IQCJ: variants seen among roughly 807,000 people sequenced by gnomAD.
IQCJ encodes the protein IQ motif containing J.
In IQCJ, 9 loss-of-function variants were observed where a neutral mutation model predicts 11.0. The observed-to-expected ratio is 0.82, with a 90% CI of 0.49 to 1.43. The LOEUF is 1.43. Among genes scored for constraint, IQCJ ranks in the 40% most tolerant of loss-of-function variants. IQCJ has a pLI of 0.00. For synonymous variants in IQCJ, 55 were observed against 51.3 expected (o/e 1.07, Z -0.31); for missense variants, 146 against 133.2 (o/e 1.10, Z -0.47).
At chr3:159,259,654 C>T (rs749988880) in intron 3 of IQCJ, among the ~76,000 whole-genome samples, 24 of 152,146 alleles carry the variant, frequency 1.6e-4, no homozygotes, top group Non-Finnish European at 3.2e-4. Context: ...TTGTAGGAAT[C>T]GCCAAGGGGA....
chr3:159,219,885 G>A (rs1353212481), intron 1 of IQCJ, among the ~76,000 whole-genome samples: 3 of 152,156 alleles, frequency 2.0e-5, no homozygotes, highest in Non-Finnish European at 4.4e-5. Flanking sequence ...AAGGCCCTGG[G>A]TGAGTGAAGG....
intron 1 of IQCJ, among the ~76,000 whole-genome samples, chr3:159,212,087 T>C (rs1724986886): frequency 1.3e-5 from 2 of 151,650 alleles, no homozygotes; most frequent in Non-Finnish European, 2.9e-5. Flanking sequence ...AGAATATTGT[T>C]CCACAGAGTA....
rs1728336613 is a variant in IQCJ, at chr3:159,263,533, G to T, written c.*802G>T. The stretch of plus-strand genomic sequence containing the variant: ...GTGGATTTAAGCATTGTGATAATTT[G>T]TAACCAGTCACTGAAATGCTGAAAA... On this transcript the variant is annotated 3_prime_UTR_variant, in exon 4 of 4. Transcript: ENST00000397832. 1 of 984,988 alleles carries T rather than the reference G, an allele frequency of 1.0e-6. No individual in the cohort carries two copies. Among genetic ancestry groups the T allele is most frequent in the African/African-American group, 1.7e-5 (1 of 57,224 alleles). 61.0% of individuals were successfully genotyped at this position (984,988 alleles called of 1,614,324 possible). A position where few individuals can be genotyped will look rare whatever the true frequency, so the allele number is the denominator to read the frequency against.
At chr3:159,210,428 G>A (rs1229755057) in intron 1 of IQCJ, among the ~76,000 whole-genome samples, 1 of 152,126 alleles carries the variant, frequency 6.6e-6, no homozygotes, top group African/African-American at 2.4e-5. Flanking sequence ...AAGTTAATTT[G>A]AGTTATATAG....
intron 1 of IQCJ, among the ~76,000 whole-genome samples, chr3:159,169,241 C>G (rs2108234038): frequency 6.7e-6 from 1 of 148,756 alleles, no homozygotes; most frequent in Middle Eastern, 3.5e-3. Flanking sequence ...GACTACAAAG[C>G]CTATGTTCTT....
rs1412481771 is a variant in IQCJ, at chr3:159,263,194, C to A, written c.*463C>A. 2 of 506,226 alleles carry A rather than the reference C, an allele frequency of 4.0e-6. No homozygotes were observed. The highest frequency in any genetic ancestry group is 6.3e-5 in the Admixed American group (1 of 15,830). The allele number at this position is 506,226 out of a possible 1,614,324, so 31.4% of individuals were successfully genotyped here. A position where few individuals can be genotyped will look rare whatever the true frequency, so the allele number is the denominator to read the frequency against. On this transcript the variant is annotated 3_prime_UTR_variant, in exon 4 of 4. Coordinates refer to ENST00000397832, the MANE Select transcript of IQCJ (RefSeq NM_001042706.3). ...CCCCTGGCTACACGGAGAACATAGA[C>A]CTCACCTGAAGGGCAGCGCACTTGG...
rs61795193 is a variant in IQCJ, at chr3:159,251,193, G to A, written c.75-1534G>A. ...TGTGCTCTCCTATGTTTTCCCTACC[G>A]CCAGGACATTCCTTTCTAAAAAGAA... On this transcript the variant is annotated intron_variant, in intron 2 of 3. Coordinates refer to ENST00000397832, the MANE Select transcript of IQCJ (RefSeq NM_001042706.3). Among the ~76,000 whole-genome samples the A allele has an allele frequency of 9.7e-3, 1,475 of 152,070 alleles. 14 individuals are homozygous for A. The highest frequency in any genetic ancestry group is 0.014 in the African/African-American group (577 of 41,496).
chr3:159,165,694 A>G (rs1023399567), intron 1 of IQCJ, among the ~76,000 whole-genome samples: 2 of 151,436 alleles, frequency 1.3e-5, no homozygotes, highest in African/African-American at 2.4e-5. Flanking sequence ...GCTCACTGCA[A>G]CCTCTGCCTC....
chr3:159,205,462 A>G (rs925887810), intron 1 of IQCJ, among the ~76,000 whole-genome samples: 2 of 152,204 alleles, frequency 1.3e-5, no homozygotes, highest in Admixed American at 1.3e-4. Flanking sequence ...TTATGTTGGC[A>G]TGATTGATCA....
At chr3:159,074,297 T>A (rs954958566) in intron 1 of IQCJ, among the ~76,000 whole-genome samples, 12 of 151,734 alleles carry the variant, frequency 7.9e-5, no homozygotes, top group Non-Finnish European at 8.8e-5. Flanking sequence ...GAGTTAGGAA[T>A]GTAAAAAATA....
chr3:159,076,089 AT>A (rs1242357980), intron 1 of IQCJ, among the ~76,000 whole-genome samples: 1 of 152,008 alleles, frequency 6.6e-6, no homozygotes, highest in Non-Finnish European at 1.5e-5. Flanking sequence ...CACCAAACCT[AT>A]TTTTTTGATG....
chr3:159,254,389 A>G (rs1304305368), intron 3 of IQCJ, among the ~76,000 whole-genome samples: 2 of 152,128 alleles, frequency 1.3e-5, no homozygotes, highest in Non-Finnish European at 2.9e-5. Context: ...GAGATTTTAT[A>G]TTTGTTGATT....
chr3:159,069,360 G>C lies in IQCJ; in HGVS notation c.-73G>C. 3 of 1,560,638 alleles carry C rather than the reference G, an allele frequency of 1.9e-6. No individual in the cohort carries two copies. The highest frequency in any genetic ancestry group is 2.6e-6 in the Non-Finnish European group (3 of 1,156,444). ...CCCCCACAGTCACATTGCGCTCTGT[G>C]ATTCTGAGGAATACAGTGTGCCAGC... is the stretch of plus-strand genomic sequence containing the variant. On this transcript the variant is annotated 5_prime_UTR_variant, in exon 1 of 4. Coordinates refer to ENST00000397832, the MANE Select transcript of IQCJ (RefSeq NM_001042706.3).
chr3:159,212,785 G>A (rs764446750), intron 1 of IQCJ, among the ~76,000 whole-genome samples: 11 of 152,114 alleles, frequency 7.2e-5, no homozygotes, highest in Non-Finnish European at 1.5e-4. Flanking sequence ...GAAAATACTC[G>A]AAGGGAAAAT....
Position 159,095,037 on chromosome 3 carries a change from G to C in IQCJ, c.9+25596G>C, listed in dbSNP as rs150253595. The stretch of plus-strand genomic sequence containing the variant: ...TCCAAATCCAGCAACCCAAGGATTA[G>C]TTCTTGGTGCAGCAAGGACACTGGT... On this transcript the variant is annotated intron_variant, in intron 1 of 3. Transcript: ENST00000397832. Among the ~76,000 whole-genome samples the C allele has an allele frequency of 1.4e-4, 22 of 151,930 alleles. 1 individual carries two copies. The highest frequency in any genetic ancestry group is 4.4e-4 in the African/African-American group (18 of 41,256).
chr3:159,201,618 ATAATGATTCTTTTTTT>A (rs1724342818), intron 1 of IQCJ, among the ~76,000 whole-genome samples: 2 of 138,086 alleles, frequency 1.4e-5, no homozygotes, highest in South Asian at 5.2e-4. Context: ...AAAACTGTTG[ATAATGATTCTTTTTTT>A]TTTTTTTTTT....
chr3:159,140,436 G>T (rs1720536831), intron 1 of IQCJ, among the ~76,000 whole-genome samples: 2 of 152,288 alleles, frequency 1.3e-5, no homozygotes, highest in South Asian at 4.1e-4. Flanking sequence ...TCAGGTCTGT[G>T]GGTCACACTG....
intron 1 of IQCJ, among the ~76,000 whole-genome samples, chr3:159,228,012 C>T (rs1725962256): frequency 6.6e-6 from 1 of 152,224 alleles, no homozygotes. Flanking sequence ...AGGGTTAGCA[C>T]CACAATTCTA....
intron 1 of IQCJ, among the ~76,000 whole-genome samples, chr3:159,240,527 C>T (rs1726857452): frequency 6.6e-6 from 1 of 152,142 alleles, no homozygotes. Context: ...TCAAAAGGGG[C>T]AAATATACCC....
Sources: allele counts gnomAD v4.1 joint callset (sites outside exome capture counted in the v4.1 genomes callset), GRCh38; gene constraint gnomAD v4.1.1; transcripts MANE v1.5; gene names NCBI Gene and HGNC (gene_info 2026-07-23, HGNC 2026-07-21).